SULF1: variants seen among roughly 807,000 people sequenced by gnomAD.
SULF1 encodes sulfatase 1.
SULF1 carries 46 observed loss-of-function variants against 110.5 expected under a neutral mutation model. The observed-to-expected ratio is 0.42, with a 90% CI of 0.33 to 0.53. SULF1 has a LOEUF of 0.53. SULF1 is among the 20% of genes least tolerant of loss of function. SULF1 has a pLI of 0.12. For missense variants in SULF1, 941 were observed against 1,094.2 expected, an observed-to-expected ratio of 0.86 and a Z score of 1.98; for synonymous variants, 371 against 387.1, an observed-to-expected ratio of 0.96 and a Z score of 0.49.
intron 13 of SULF1, among the ~76,000 whole-genome samples, chr8:69,609,642 G>A (rs973616533): frequency 3.3e-5 from 5 of 152,178 alleles, no homozygotes; most frequent in African/African-American, 4.8e-5. Context: ...TTCACTTCAC[G>A]TTGAGTACTT....
At position 69,560,089 on chromosome 8, in the gene SULF1, G is replaced by C. The variant is rs944306118; in HGVS notation, c.-133-3450G>C. On this transcript the variant is annotated intron_variant, in intron 3 of 22. Coordinates refer to ENST00000402687, the MANE Select transcript of SULF1 (RefSeq NM_001128205.2). The stretch of plus-strand genomic sequence containing the variant: ...CATGAACCTCTCAAAAGGGTCACAG[G>C]GTCCTCCAAACGTCCCAAACTATAC... Among the ~76,000 whole-genome samples the C allele has an allele frequency of 1.2e-4, 19 of 152,192 alleles. 1 individual carries two copies. Among genetic ancestry groups the C allele is most frequent in the Admixed American group, 4.6e-4 (7 of 15,290 alleles).
chr8:69,481,980 A>C (rs1444622362), intron 1 of SULF1, among the ~76,000 whole-genome samples: 2 of 152,180 alleles, frequency 1.3e-5, no homozygotes, highest in South Asian at 4.1e-4. Flanking sequence ...TAAACTCTTA[A>C]CAGCTGTATT....
At chr8:69,574,048 A>C (rs983164475) in intron 5 of SULF1, among the ~76,000 whole-genome samples, 1 of 152,168 alleles carries the variant, frequency 6.6e-6, no homozygotes, top group African/African-American at 2.4e-5. Context: ...TTCGTGGACC[A>C]GCAGCAGTGT....
At chr8:69,617,913 C>T (rs1284630917) in intron 13 of SULF1, among the ~76,000 whole-genome samples, 2 of 152,112 alleles carry the variant, frequency 1.3e-5, no homozygotes, top group Non-Finnish European at 2.9e-5. Flanking sequence ...TTGCACATGC[C>T]GCCCCCACCA....
chr8:69,572,368 A>T (rs1805295832), intron 5 of SULF1, among the ~76,000 whole-genome samples: 1 of 152,228 alleles, frequency 6.6e-6, no homozygotes, highest in Admixed American at 6.5e-5. Flanking sequence ...TCTGTGATAT[A>T]GGAATAATAG....
At chr8:69,475,050 GGTGGCCACTTGGCA>G (rs1809242916) in intron 1 of SULF1, among the ~76,000 whole-genome samples, 2 of 151,916 alleles carry the variant, frequency 1.3e-5, no homozygotes, top group Non-Finnish European at 1.5e-5. Flanking sequence ...ATATAATGAA[GGTGGCCACTTGGCA>G]AAGAAGAGAA....
intron 1 of SULF1, among the ~76,000 whole-genome samples, chr8:69,485,131 C>A (rs527857039): frequency 1.1e-4 from 17 of 152,276 alleles, no homozygotes; most frequent in Admixed American, 6.5e-4. Context: ...CTTCTTCTAA[C>A]CCGTGCTTTC....
chr8:69,531,758 C>T (rs1346092961), intron 3 of SULF1, among the ~76,000 whole-genome samples: 1 of 152,182 alleles, frequency 6.6e-6, no homozygotes, highest in Non-Finnish European at 1.5e-5. Flanking sequence ...AATGTAAGCA[C>T]ATTATAATCG....
At chr8:69,490,269 A>AT (rs1024091914), upstream of SULF1, among the ~76,000 whole-genome samples, 1 of 151,252 alleles carries the variant, frequency 6.6e-6, no homozygotes, top group African/African-American at 2.4e-5. Context: ...CACCTGGCTA[A>AT]TTTTTTTATT....
intron 13 of SULF1, among the ~76,000 whole-genome samples, chr8:69,617,143 C>T (rs1451315111): frequency 6.6e-6 from 1 of 151,794 alleles, no homozygotes; most frequent in African/African-American, 2.4e-5. Context: ...ACACTTTCCC[C>T]AGCAATAATT....
rs556151736 is a variant in SULF1 at position 69,524,729 on chromosome 8, A to G, written c.-134+22761A>G. ...ACCTGAATAAATCATTGCATTTTGT[A>G]TAAAGTTACAGTTTGCCAAAATGAG... On this transcript the variant is annotated intron_variant, in intron 3 of 22. Coordinates refer to ENST00000402687, the MANE Select transcript of SULF1 (RefSeq NM_001128205.2). Among the ~76,000 whole-genome samples, 10 of 152,332 alleles carry G rather than the reference A, an allele frequency of 6.6e-5. No homozygotes were observed. In the South Asian group the frequency reaches 1.2e-3, roughly 19 times the overall value.
intron 21 of SULF1, among the ~76,000 whole-genome samples, chr8:69,639,375 C>G (rs1811294169): frequency 2.6e-5 from 4 of 152,146 alleles, no homozygotes; most frequent in Admixed American, 1.3e-4. Context: ...TGGAGCAGTT[C>G]ATTAACTTGG....
intron 3 of SULF1, among the ~76,000 whole-genome samples, chr8:69,510,062 A>C (rs1811450565): frequency 6.6e-6 from 1 of 152,200 alleles, no homozygotes; most frequent in Non-Finnish European, 1.5e-5. Flanking sequence ...TCTGTAACTC[A>C]TGTAGACAGT....
chr8:69,627,483 C>T (rs1366163918), intron 16 of SULF1, among the ~76,000 whole-genome samples, 177 bp downstream of exon 16: 1 of 151,690 alleles, frequency 6.6e-6, no homozygotes, highest in African/African-American at 2.4e-5. Flanking sequence ...CTACTGAAAA[C>T]AATATAGAGT....
chr8:69,516,426 T>G (rs1811922567), intron 3 of SULF1, among the ~76,000 whole-genome samples: 1 of 151,436 alleles, frequency 6.6e-6, no homozygotes. Flanking sequence ...TACTCACTAT[T>G]ATGAGAACAA....
chr8:69,501,904 A>C lies in SULF1; in HGVS notation c.-198A>C, dbSNP rs1810826610. On this transcript the variant is annotated 5_prime_UTR_variant, in exon 3 of 23. Transcript: ENST00000402687. ...GACGGCCACCCACCATCATCTAAAG[A>C]AGATAAACTTGGCAAATGACATGCA... 2.6e-5 allele frequency: 4 copies of C among 152,250 alleles called. No individual in the cohort carries two copies. Among genetic ancestry groups the C allele is most frequent in the African/African-American group, 7.2e-5 (3 of 41,462 alleles). The allele number at this position is 152,250 out of a possible 1,614,324, so 9.4% of individuals were successfully genotyped here. A position where few individuals can be genotyped will look rare whatever the true frequency, so the allele number is the denominator to read the frequency against.
chr8:69,542,623 TTTGATAC>T (rs1813937786), intron 3 of SULF1, among the ~76,000 whole-genome samples: 1 of 152,002 alleles, frequency 6.6e-6, no homozygotes, highest in African/African-American at 2.4e-5. Flanking sequence ...ACAGTGTAAG[TTTGATAC>T]AAATGATATT....
chr8:69,593,106 T>A (rs1445089196), intron 8 of SULF1: 1 of 298,962 alleles, frequency 3.3e-6, no homozygotes, highest in Non-Finnish European at 5.0e-6. Flanking sequence ...TGTGGTCTCC[T>A]GCAGGCCCTG....
At chr8:69,649,783 T>A (rs1812189238) in intron 22 of SULF1, among the ~76,000 whole-genome samples, 1 of 152,150 alleles carries the variant, frequency 6.6e-6, no homozygotes, top group African/African-American at 2.4e-5. Flanking sequence ...TTGGTGGTAT[T>A]ACCTTTGATT....
Sources: allele counts gnomAD v4.1 joint callset (sites outside exome capture counted in the v4.1 genomes callset), GRCh38; gene constraint gnomAD v4.1.1; transcripts MANE v1.5; gene names NCBI Gene and HGNC (gene_info 2026-07-23, HGNC 2026-07-21).